The following DNAI4 variants were observed in gnomAD, a reference collection of about 807,000 sequenced individuals.
DNAI4 encodes the protein WD repeat domain 78.
A neutral mutation model predicts 105.8 loss-of-function variants in DNAI4; 85 were observed. The ratio of observed to expected loss-of-function variants is 0.80; its 90% CI spans 0.67 to 0.96. DNAI4 has a LOEUF of 0.96. DNAI4 is among the 40% of genes least tolerant of loss of function. The pLI, the probability that DNAI4 is intolerant of heterozygous loss-of-function variation, is 0.00. For missense variants in DNAI4, 1,014 were observed against 1,005.6 expected, an observed-to-expected ratio of 1.01 and a Z score of -0.11; for synonymous variants, 352 against 331.5, an observed-to-expected ratio of 1.06 and a Z score of -0.67.
intron 8 of DNAI4, among the ~76,000 whole-genome samples, chr1:66,846,235 T>A (rs1646272529): frequency 6.6e-6 from 1 of 152,132 alleles, no homozygotes; most frequent in Non-Finnish European, 1.5e-5. Flanking sequence ...TCTTTAAATA[T>A]CAACCTAATA....
chr1:66,875,105 A>T (rs1301887816), intron 4 of DNAI4, among the ~76,000 whole-genome samples, 168 bp from the exon 5 acceptor site: 1 of 152,156 alleles, frequency 6.6e-6, no homozygotes, highest in Non-Finnish European at 1.5e-5. Flanking sequence ...TCTGAAGCCA[A>T]ATTGGATCTT....
At chr1:66,891,014 G>T in intron 4 of DNAI4, 140 bp downstream of exon 4, 1 of 715,022 alleles carries the variant, frequency 1.4e-6, no homozygotes, top group Non-Finnish European at 2.4e-6. Context: ...TATTCCCCTG[G>T]TAATTCTCTT....
At chr1:66,836,318 A>C (rs1646024497) in intron 10 of DNAI4, among the ~76,000 whole-genome samples, 1 of 131,432 alleles carries the variant, frequency 7.6e-6, no homozygotes, top group Non-Finnish European at 1.7e-5. Context: ...GAAAGAAAGA[A>C]AGAAAGAAGG....
In DNAI4 at chr1:66,874,951, CTT is replaced by C. The variant is rs1646930813; in HGVS notation, c.644-16_644-15del. The C allele has an allele frequency of 3.2e-6, 5 of 1,580,720 alleles. No individual in the cohort carries two copies. The highest frequency in any genetic ancestry group is 1.7e-4 in the Middle Eastern group (1 of 5,824). ...TAACTTGCAAATCTAAAATACATGA[CTT>C]AATTAAAATCATTTACTAATTGCTA... On this transcript the variant is annotated splice_polypyrimidine_tract_variant and intron_variant, in intron 4 of 16. Coordinates refer to ENST00000371026, the MANE Select transcript of DNAI4 (RefSeq NM_024763.5).
chr1:66,851,877 A>G (rs1409251946), intron 7 of DNAI4, among the ~76,000 whole-genome samples: 1 of 152,054 alleles, frequency 6.6e-6, no homozygotes, highest in Middle Eastern at 3.4e-3. Flanking sequence ...AATATAGAAG[A>G]GAAAAAAGAG....
rs1421639236 is a variant in DNAI4, at chr1:66,862,256, C to T, written c.987G>A (p.Met329Ile). 1 of 1,610,598 alleles carries T rather than the reference C, an allele frequency of 6.2e-7. No homozygotes were observed. Among genetic ancestry groups the T allele is most frequent in the Admixed American group, 1.7e-5 (1 of 59,298 alleles). ...GTTTTACTGATAAAGATACAAGTTC[C>T]ATAGCATTGTAAGAATCATACAAAT... ...AWDLYDSYNA[M>I]ELVSLSVKQS... Residue 329 changes from methionine to isoleucine, a missense_variant, in exon 7 of 17, where the codon ATG becomes ATA. Coordinates refer to ENST00000371026, the MANE Select transcript of DNAI4 (RefSeq NM_024763.5).
chr1:66,859,127 A>G (rs1646569415), intron 7 of DNAI4, among the ~76,000 whole-genome samples: 1 of 152,162 alleles, frequency 6.6e-6, no homozygotes, highest in Non-Finnish European at 1.5e-5. Flanking sequence ...GACCCTTAAA[A>G]CTCAATAAGA....
At chr1:66,887,780 G>A (rs1201457474) in intron 4 of DNAI4, among the ~76,000 whole-genome samples, 1 of 151,992 alleles carries the variant, frequency 6.6e-6, no homozygotes, top group African/African-American at 2.4e-5. Context: ...CAAAAAAGGT[G>A]AAATCCTGTC....
intron 9 of DNAI4, 40 bp downstream of exon 9, chr1:66,840,429 A>C (rs1200503232): frequency 1.9e-6 from 3 of 1,557,000 alleles, no homozygotes; most frequent in East Asian, 4.5e-5. Context: ...ATTTCCCTTC[A>C]ATGCTAGAAA....
In DNAI4 at chr1:66,909,322, AGT is replaced by A. The variant is rs1212509935; in HGVS notation, c.171-3949_171-3948del. Reference sequence around the variant, plus strand: ...CACACACACACACACACACACACACAGTCTCTCTTGAATAGAGTCTGATCAGG... The same window carrying A: ...CACACACACACACACACACACACACACTCTCTTGAATAGAGTCTGATCAGG... On this transcript the variant is annotated intron_variant, in intron 1 of 16. Transcript: ENST00000371026. Among the ~76,000 whole-genome samples, 102 of 150,746 alleles carry A rather than the reference AGT, an allele frequency of 6.8e-4. 1 individual carries two copies. The East Asian group carries it at 0.017, about 26-fold the overall frequency.
At chr1:66,834,647 CTA>C (rs1278168079) in intron 11 of DNAI4, among the ~76,000 whole-genome samples, 5 of 152,042 alleles carry the variant, frequency 3.3e-5, no homozygotes, top group South Asian at 2.1e-4. Context: ...TTGACTCTCT[CTA>C]TGGATTAGAG....
intron 2 of DNAI4, among the ~76,000 whole-genome samples, chr1:66,898,547 T>C (rs145224609): frequency 2.0e-5 from 3 of 152,256 alleles, no homozygotes; most frequent in African/African-American, 7.2e-5. Flanking sequence ...GGGTCTGTTA[T>C]AAAAGTCAGT....
chr1:66,894,403 A>G (rs1031249839), intron 2 of DNAI4, among the ~76,000 whole-genome samples: 1 of 152,168 alleles, frequency 6.6e-6, no homozygotes, highest in African/African-American at 2.4e-5. Flanking sequence ...TTGGTAATGT[A>G]TGAGTCCTTT....
intron 4 of DNAI4, among the ~76,000 whole-genome samples, chr1:66,875,236 A>G (rs952023821): frequency 8.5e-5 from 13 of 152,296 alleles, no homozygotes; most frequent in African/African-American, 2.6e-4. Flanking sequence ...AACTGGGGTT[A>G]GCAACTGTTG....
chr1:66,852,490 T>C (rs1321986855), intron 7 of DNAI4, among the ~76,000 whole-genome samples: 1 of 151,842 alleles, frequency 6.6e-6, no homozygotes, highest in Non-Finnish European at 1.5e-5. Context: ...AACACAGAAT[T>C]CAGCAATATA....
chr1:66,870,823 A>G (rs1646830780), intron 6 of DNAI4: 1 of 150,562 alleles, frequency 6.6e-6, no homozygotes, highest in African/African-American at 2.5e-5. Context: ...GCTACACCCT[A>G]CAGATTTTGG....
intron 8 of DNAI4, among the ~76,000 whole-genome samples, chr1:66,841,569 A>C (rs757729251): frequency 3.3e-5 from 5 of 151,966 alleles, no homozygotes; most frequent in Admixed American, 6.6e-5. Flanking sequence ...CGGGGGTCTT[A>C]CTCTATTTCC....
intron 11 of DNAI4, 115 bp from the exon 12 acceptor site, chr1:66,834,263 C>T (rs958172118): frequency 4.1e-6 from 3 of 726,044 alleles, no homozygotes; most frequent in Non-Finnish European, 6.1e-6. Context: ...TTATATAATC[C>T]TTTTATTGTT....
At position 66,834,483 on chromosome 1, in the gene DNAI4, C is replaced by T. The variant is rs182643089; in HGVS notation, c.1734-335G>A. Among the ~76,000 whole-genome samples, 603 of 152,072 alleles carry T rather than the reference C, an allele frequency of 4.0e-3. 3 individuals carry two copies. The highest frequency in any genetic ancestry group is 0.018 in the South Asian group (85 of 4,814). On this transcript the variant is annotated intron_variant, in intron 11 of 16. Coordinates refer to ENST00000371026, the MANE Select transcript of DNAI4 (RefSeq NM_024763.5). ...TACTCTATTCATTAATTCTTTCTGA[C>T]TTTTACTTTATTTTAGACACATGGA...
Sources: allele counts gnomAD v4.1 joint callset (sites outside exome capture counted in the v4.1 genomes callset), GRCh38; gene constraint gnomAD v4.1.1; transcripts MANE v1.5; gene names NCBI Gene and HGNC (gene_info 2026-07-23, HGNC 2026-07-21).